The following PCDHGA9 variants were observed in gnomAD, a reference collection of about 807,000 sequenced individuals.
PCDHGA9 encodes protocadherin gamma subfamily A, 9.
In PCDHGA9, 37 loss-of-function variants were observed where a neutral mutation model predicts 62.5. That is an observed-to-expected ratio of 0.59 (90% CI 0.46 to 0.78). The LOEUF (loss-of-function observed/expected upper bound fraction) is 0.78, where lower values mean the gene tolerates loss of function less well. Among genes scored for constraint, PCDHGA9 ranks in the 30% least tolerant of loss-of-function variants. PCDHGA9 has a pLI of 0.00. For missense variants in PCDHGA9, 1,138 were observed against 1,166.2 expected (o/e 0.98, Z 0.35); for synonymous variants, 459 against 484.6 (o/e 0.95, Z 0.69).
chr5:141,421,530 C>A, intron 1 of PCDHGA9: 1 of 1,614,040 alleles, frequency 6.2e-7, no homozygotes, highest in Non-Finnish European at 8.5e-7. Context: ...AGACGGTGTC[C>A]TCCTGTTTTT....
intron 1 of PCDHGA9, chr5:141,478,174 G>GA (rs1156842877): frequency 3.7e-6 from 6 of 1,613,692 alleles, no homozygotes; most frequent in South Asian, 1.1e-5. Context: ...CCCGGGAGCA[G>GA]AAAAAAAATC....
intron 1 of PCDHGA9, chr5:141,430,452 A>G (rs566189732): frequency 2.0e-3 from 408 of 202,442 alleles, no homozygotes; most frequent in South Asian, 3.8e-3. Context: ...CCTTTTGAAG[A>G]ACAGTAGGTG....
Position 141,431,605 on chromosome 5 carries a change from G to A in PCDHGA9, c.2424+26229G>A. ...ATGCGGAAGTGAGGTATTCCTTCCGGTATGTGGACGACAAGGCGGCCCAAG... is the reference window on the plus strand; with the variant it reads ...ATGCGGAAGTGAGGTATTCCTTCCGATATGTGGACGACAAGGCGGCCCAAG... On this transcript the variant is annotated intron_variant, in intron 1 of 3. Transcript: ENST00000573521. This position sits in a 1 kb window ranked among gnomAD's most constrained non-coding sequence, Gnocchi z 4.8. 2 of 1,614,236 alleles carry A rather than the reference G, an allele frequency of 1.2e-6. No individual in the cohort carries two copies. The highest frequency in any genetic ancestry group is 1.7e-6 in the Non-Finnish European group (2 of 1,180,044).
intron 3 of PCDHGA9, among the ~76,000 whole-genome samples, chr5:141,509,353 C>A (rs2099876446): frequency 6.6e-6 from 1 of 152,170 alleles, no homozygotes; most frequent in Non-Finnish European, 1.5e-5. Context: ...CTGGCCTGGG[C>A]ATCCCTGAGG....
intron 3 of PCDHGA9, among the ~76,000 whole-genome samples, chr5:141,506,781 T>C (rs965408564): frequency 1.4e-4 from 22 of 152,168 alleles, no homozygotes; most frequent in African/African-American, 5.3e-4. Context: ...CCTGGGCTTA[T>C]AAGGAGGCTG....
chr5:141,494,923 G>A lies in PCDHGA9; in HGVS notation c.2483+58G>A, dbSNP rs572227346. Reference sequence around the variant, plus strand: ...TCTGCGGCATTTTCTCAGGGATGACGTGGGAGGAGATGGGGGAGGGCCCAG... The same window carrying A: ...TCTGCGGCATTTTCTCAGGGATGACATGGGAGGAGATGGGGGAGGGCCCAG... On this transcript the variant is annotated intron_variant, in intron 2 of 3. Coordinates refer to ENST00000573521, the MANE Select transcript of PCDHGA9 (RefSeq NM_018921.3). The A allele has an allele frequency of 8.9e-5, 143 of 1,613,698 alleles. 1 individual carries two copies. In the Middle Eastern group the frequency reaches 1.8e-3, roughly 20 times the overall value.
At chr5:141,414,239 C>T in intron 1 of PCDHGA9, 1 of 1,613,498 alleles carries the variant, frequency 6.2e-7, no homozygotes, top group Non-Finnish European at 8.5e-7. Context: ...ACCATCACGT[C>T]TCTATTTAGT....
rs976638680 is a variant in PCDHGA9, at chr5:141,403,576, C to T, written c.624C>T (p.His208=). 3 of 1,613,946 alleles carry T rather than the reference C, an allele frequency of 1.9e-6. No homozygotes were observed. The highest frequency in any genetic ancestry group is 2.5e-6 in the Non-Finnish European group (3 of 1,179,898). ...TGGACAGGGAGGAGGCAACTGCCCACCACCTGGTCCTCACGGCCTCGGATG... is the reference window on the plus strand; with the variant it reads ...TGGACAGGGAGGAGGCAACTGCCCATCACCTGGTCCTCACGGCCTCGGATG... ...RALDREEATA[H]HLVLTASDGG... is the part of the protein sequence containing the mutation. The change falls in exon 1 of 4, where the codon CAC becomes CAT. Residue 208 remains histidine, a synonymous_variant. Transcript: ENST00000573521.
At chr5:141,483,812 A>C (rs1188806533) in intron 1 of PCDHGA9, among the ~76,000 whole-genome samples, 2 of 152,162 alleles carry the variant, frequency 1.3e-5, no homozygotes, top group Non-Finnish European at 2.9e-5. Context: ...TTTTTTTGGC[A>C]GCCAGTGTAA....
At chr5:141,416,832 A>T (rs2154546669) in intron 1 of PCDHGA9, 1 of 152,168 alleles carries the variant, frequency 6.6e-6, no homozygotes, top group East Asian at 1.9e-4. Context: ...GTTTCTCAAG[A>T]CCCTTATAAT....
At chr5:141,469,790 T>G (rs956670031) in intron 1 of PCDHGA9, among the ~76,000 whole-genome samples, 2 of 152,224 alleles carry the variant, frequency 1.3e-5, no homozygotes, top group African/African-American at 4.8e-5. Context: ...GCGTTATTTG[T>G]AATTGCAAAA....
rs1330713312 is a variant in PCDHGA9 at position 141,414,559 on chromosome 5, T to G, written c.2424+9183T>G. The stretch of plus-strand genomic sequence containing the variant: ...ACCTACCTTCTCTCAAGTCTCCTAC[T>G]TTACCTATATCCCAGAGAACAACGC... On this transcript the variant is annotated intron_variant, in intron 1 of 3. Coordinates refer to ENST00000573521, the MANE Select transcript of PCDHGA9 (RefSeq NM_018921.3). 5.0e-6 allele frequency: 8 copies of G among 1,613,782 alleles called. No homozygotes were observed. The Admixed American group carries it at 1.0e-4, about 20-fold the overall frequency.
In PCDHGA9 at chr5:141,403,358, G is replaced by A. The variant is rs1031210052; in HGVS notation, c.406G>A (p.Glu136Lys). The A allele has an allele frequency of 6.2e-7, 1 of 1,614,026 alleles. No homozygotes were observed. ...CGACAGCGCCCCAAAGTTCCAGGCC[G>A]AAAGTCTGGAAGTAAAAATTAACGA... ...INDSAPKFQAESLEVKINEIA... is the reference protein window; with the variant it reads ...INDSAPKFQAKSLEVKINEIA... Residue 136 changes from glutamate (E) to lysine (K), a missense_variant, in exon 1 of 4, where the codon GAA becomes AAA. Transcript: ENST00000573521.
In PCDHGA9 at chr5:141,489,993, C is replaced by A; in HGVS notation, c.2425-4814C>A. 6.2e-7 allele frequency: 1 copy of A among 1,614,186 alleles called. No individual in the cohort carries two copies. The highest frequency in any genetic ancestry group is 1.1e-5 in the South Asian group (1 of 91,088). On this transcript the variant is annotated intron_variant, in intron 1 of 3. Transcript: ENST00000573521. The surrounding 1 kb of genome is among the most constrained non-coding windows in gnomAD (Gnocchi z 4.5). ...AATCCTCAGTTCTACGTGTGGGAATCCCAGAGAATGCACCCATTGGTACTC... is the reference window on the plus strand; with the variant it reads ...AATCCTCAGTTCTACGTGTGGGAATACCAGAGAATGCACCCATTGGTACTC...
rs1195717654 is a variant in PCDHGA9 at position 141,403,302 on chromosome 5, A to G, written c.350A>G (p.Tyr117Cys). Reference protein sequence around the residue: ...KVLVEDRVKLYGIEIEVTDIN... With the variant: ...KVLVEDRVKLCGIEIEVTDIN... ...CTGGTTGAAGACAGAGTGAAACTGT[A>G]CGGAATAGAAATAGAAGTAACTGAT... The change falls in exon 1 of 4, where the codon TAC becomes TGC. Residue 117 changes from tyrosine to cysteine, a missense_variant. Transcript: ENST00000573521. The G allele has an allele frequency of 6.2e-7, 1 of 1,613,904 alleles. No homozygotes were observed. The highest frequency in any genetic ancestry group is 2.2e-5 in the East Asian group (1 of 44,890).
chr5:141,421,578 T>G, intron 1 of PCDHGA9: 1 of 1,613,886 alleles, frequency 6.2e-7, no homozygotes, highest in Non-Finnish European at 8.5e-7. Flanking sequence ...CCTTGAAGAT[T>G]TACGGAGTGG....
chr5:141,490,181 G>T lies in PCDHGA9; in HGVS notation c.2425-4626G>T, dbSNP rs755899660. ...GGTCCCATAGACTTTGAGGAGTCAC[G>T]TTTCTATGAAATTCATGCAAGAGCC... is the stretch of plus-strand genomic sequence containing the variant. On this transcript the variant is annotated intron_variant, in intron 1 of 3. Coordinates refer to ENST00000573521, the MANE Select transcript of PCDHGA9 (RefSeq NM_018921.3). The surrounding 1 kb of genome is among the most constrained non-coding windows in gnomAD (Gnocchi z 5.4). The T allele has an allele frequency of 6.2e-7, 1 of 1,614,200 alleles. No individual in the cohort carries two copies. The highest frequency in any genetic ancestry group is 8.5e-7 in the Non-Finnish European group (1 of 1,180,030).
chr5:141,438,337 T>C (rs935624931), intron 1 of PCDHGA9, among the ~76,000 whole-genome samples: 25 of 151,926 alleles, frequency 1.6e-4, no homozygotes, highest in Non-Finnish European at 1.9e-4. Context: ...ACATGTCATA[T>C]AAGGATCTAC....
chr5:141,432,506 G>A lies in PCDHGA9; in HGVS notation c.2424+27130G>A. 3 of 1,614,140 alleles carry A rather than the reference G, an allele frequency of 1.9e-6. No homozygotes were observed. Among genetic ancestry groups the A allele is most frequent in the Non-Finnish European group, 2.5e-6 (3 of 1,180,036 alleles). On this transcript the variant is annotated intron_variant, in intron 1 of 3. Transcript: ENST00000573521. This position sits in a 1 kb window ranked among gnomAD's most constrained non-coding sequence, Gnocchi z 6.0. ...CGTGGAGCTGGCTCCCCGCTCCGCA[G>A]AGCCCGGCTACCTGGTGACCAAGGT... is the stretch of plus-strand genomic sequence containing the variant.
Sources: gnomAD v4.1 joint callset for allele counts (sites outside exome capture counted in the v4.1 genomes callset) on GRCh38, gnomAD v4.1.1 for gene constraint, Gnocchi (gnomAD v3.1) non-coding constraint, MANE v1.5 for transcripts, NCBI Gene and HGNC (gene_info 2026-07-23, HGNC 2026-07-21) for gene names.